The following F10 variants were observed in gnomAD, a reference collection of about 807,000 sequenced individuals.
F10 encodes coagulation factor X, also known as Stuart-Prower factor.
In F10, 29 loss-of-function variants were observed where a neutral mutation model predicts 37.1. The observed-to-expected ratio is 0.78, with a 90% CI of 0.58 to 1.07. The LOEUF (loss-of-function observed/expected upper bound fraction) is 1.07. Among genes scored for constraint, F10 ranks in the 50% least tolerant of loss-of-function variants. The pLI is 0.00. For synonymous variants in F10, 262 were observed against 268.6 expected, an observed-to-expected ratio of 0.98 and a Z score of 0.24; for missense variants, 539 against 667.9, an observed-to-expected ratio of 0.81 and a Z score of 2.13.
chr13:113,130,311 C>G (rs2036420382), intron 2 of F10: 4 of 155,202 alleles, frequency 2.6e-5, no homozygotes, highest in Admixed American at 1.3e-4. Flanking sequence ...CGCAGCAGCC[C>G]CGCGCGGAAG....
chr13:113,140,360 C>A lies in F10; in HGVS notation c.371-559C>A, dbSNP rs187248578. Among the ~76,000 whole-genome samples, 474 of 152,198 alleles carry A rather than the reference C, an allele frequency of 3.1e-3. 5 individuals carry two copies. Among genetic ancestry groups the A allele is most frequent in the Non-Finnish European group, 5.4e-3 (370 of 68,018 alleles). On this transcript the variant is annotated intron_variant, in intron 4 of 7. Transcript: ENST00000375559. ...CCTCCCAAAGTGCTGGGATTACAGG[C>A]GTGAGGCACAGCGCCGGCCTAATTG...
In F10 at chr13:113,143,727, GCCC is replaced by G; in HGVS notation, c.503-122_503-120del. On this transcript the variant is annotated intron_variant, in intron 5 of 7. Coordinates refer to ENST00000375559, the MANE Select transcript of F10 (RefSeq NM_000504.4). The surrounding 1 kb of genome is among the most constrained non-coding windows in gnomAD (Gnocchi z 6.8). ...TGGGGCCTCGCCCTGCAAGCCCGCT[GCCC>G]CTCCGGGTGCCCCTGCGCTCTGCCT... 8.5e-5 allele frequency: 119 copies of G among 1,402,188 alleles called. No homozygotes were observed. The highest frequency in any genetic ancestry group is 6.6e-4 in the Admixed American group (32 of 48,560). 86.9% of individuals were successfully genotyped at this position (1,402,188 alleles called of 1,614,324 possible).
chr13:113,138,645 A>G (rs914691060), intron 3 of F10, among the ~76,000 whole-genome samples, 164 bp downstream of exon 3: 1 of 152,250 alleles, frequency 6.6e-6, no homozygotes, highest in Non-Finnish European at 1.5e-5. Context: ...AAGAGTTTTT[A>G]GAGTAATTTT....
At chr13:113,130,050 G>A in intron 2 of F10, 1 of 312,386 alleles carries the variant, frequency 3.2e-6, no homozygotes, top group Non-Finnish European at 6.2e-6. Flanking sequence ...GAGCGCCAGC[G>A]CGCAGGCGCA....
chr13:113,127,783 G>C (rs2036384338), intron 1 of F10, among the ~76,000 whole-genome samples: 1 of 152,204 alleles, frequency 6.6e-6, no homozygotes, highest in African/African-American at 2.4e-5. Context: ...TACTATTATA[G>C]TTTGTAATTG....
At position 113,125,670 on chromosome 13, in the gene F10, G is replaced by A. The variant is rs552997463; in HGVS notation, c.70+2745G>A. On this transcript the variant is annotated intron_variant, in intron 1 of 7. Coordinates refer to ENST00000375559, the MANE Select transcript of F10 (RefSeq NM_000504.4). ...CCGGCCTGCTCAGTCTGACTGAAGCGTTGATGCGACTCAGCCATAACAGAT... is the reference window on the plus strand; with the variant it reads ...CCGGCCTGCTCAGTCTGACTGAAGCATTGATGCGACTCAGCCATAACAGAT... Among the ~76,000 whole-genome samples, 11 of 152,362 alleles carry A rather than the reference G, an allele frequency of 7.2e-5. No individual in the cohort carries two copies. In the South Asian group the frequency reaches 1.7e-3, roughly 23 times the overall value.
intron 2 of F10, among the ~76,000 whole-genome samples, chr13:113,132,730 A>G (rs1310984254): frequency 1.3e-5 from 2 of 152,266 alleles, no homozygotes; most frequent in Non-Finnish European, 2.9e-5. Flanking sequence ...TTTTTCCTCC[A>G]GTCTTCCAGA....
At chr13:113,137,726 G>A (rs1242584763) in intron 2 of F10, among the ~76,000 whole-genome samples, 3 of 152,120 alleles carry the variant, frequency 2.0e-5, no homozygotes, top group East Asian at 1.9e-4. Context: ...CTTGGGCTGC[G>A]GACGCGTCGC....
At chr13:113,132,244 TA>T (rs1182639362) in intron 2 of F10, among the ~76,000 whole-genome samples, 3 of 152,234 alleles carry the variant, frequency 2.0e-5, no homozygotes, top group Non-Finnish European at 4.4e-5. Context: ...TATATACATA[TA>T]TTTTTTTCCA....
At chr13:113,142,368 C>T (rs958490267) in intron 5 of F10, among the ~76,000 whole-genome samples, 22 of 142,376 alleles carry the variant, frequency 1.5e-4, no homozygotes, top group Non-Finnish European at 2.6e-4. Context: ...AGTGAAACCC[C>T]GTCTCTAGTA....
Position 113,129,488 on chromosome 13 carries a change from C to T in F10, c.107C>T (p.Ala36Val), listed in dbSNP as rs2036405879. 2 of 1,613,940 alleles carry T rather than the reference C, an allele frequency of 1.2e-6. No homozygotes were observed. Among genetic ancestry groups the T allele is most frequent in the Non-Finnish European group, 1.7e-6 (2 of 1,179,986 alleles). ...IRREQANNILARVTRANSFLE... is the reference protein window; with the variant it reads ...IRREQANNILVRVTRANSFLE... ...AGGGAGCAGGCCAACAACATCCTGGCGAGGGTCACGAGGGCCAATTCCTTT... is the reference window on the plus strand; with the variant it reads ...AGGGAGCAGGCCAACAACATCCTGGTGAGGGTCACGAGGGCCAATTCCTTT... The change falls in exon 2 of 8, where the codon GCG becomes GTG. Residue 36 changes from alanine to valine, a missense_variant. Around this residue, in one of 2 missense-constraint regions of F10, gnomAD observed 130 missense variants for 120.0 expected, o/e 1.08. Coordinates refer to ENST00000375559, the MANE Select transcript of F10 (RefSeq NM_000504.4).
In F10 at chr13:113,146,393, T is replaced by C. The variant is rs933273156; in HGVS notation, c.748-986T>C. ...GGGGCTGAGGAGCTGGACTTGGAGC[T>C]GCAGGCGGGGTTTTGGAGGGGTTCC... On this transcript the variant is annotated intron_variant, in intron 6 of 7. Coordinates refer to ENST00000375559, the MANE Select transcript of F10 (RefSeq NM_000504.4). This position sits in a 1 kb window ranked among gnomAD's most constrained non-coding sequence, Gnocchi z 4.5. 6.6e-6 allele frequency among the ~76,000 whole-genome samples: 1 copy of C among 151,964 alleles called. No individual in the cohort carries two copies. The highest frequency in any genetic ancestry group is 2.1e-4 in the South Asian group (1 of 4,806).
chr13:113,148,345 A>AAATAT (rs1300922846), intron 7 of F10, among the ~76,000 whole-genome samples: 23 of 95,416 alleles, frequency 2.4e-4, no homozygotes, highest in African/African-American at 5.1e-4. Context: ...AAAAAAAAAA[A>AAATAT]ATATATATAT....
At chr13:113,124,970 G>A (rs999593593) in intron 1 of F10, among the ~76,000 whole-genome samples, 3 of 152,192 alleles carry the variant, frequency 2.0e-5, no homozygotes, top group Non-Finnish European at 2.9e-5. Flanking sequence ...TCATCGCATG[G>A]GGTTCTCACC....
chr13:113,149,219 G>C lies in F10; in HGVS notation c.1169G>C (p.Cys390Ser). ...LEVPYVDRNS[C>S]KLSSSFIITQ... ...GTGCCCTACGTGGACCGCAACAGCT[G>C]CAAGCTGTCCAGCAGCTTCATCATC... is the stretch of plus-strand genomic sequence containing the variant. The change falls in exon 8 of 8, where the codon TGC (cysteine) becomes TCC (serine). Residue 390 changes from cysteine (C) to serine (S), a missense_variant. Around this residue, in one of 2 missense-constraint regions of F10, gnomAD observed 409 missense variants for 547.9 expected, o/e 0.75. Transcript: ENST00000375559. The surrounding 1 kb of genome is among the most constrained non-coding windows in gnomAD (Gnocchi z 7.5). 1 of 1,613,130 alleles carries C rather than the reference G, an allele frequency of 6.2e-7. No homozygotes were observed. Among genetic ancestry groups the C allele is most frequent in the South Asian group, 1.1e-5 (1 of 91,078 alleles).
intron 1 of F10, 32 bp downstream of exon 1, chr13:113,122,957 C>T (rs778851791): frequency 6.2e-6 from 10 of 1,605,122 alleles, no homozygotes; most frequent in Non-Finnish European, 7.6e-6. Flanking sequence ...GACCCAAAAG[C>T]AGCGCCAGGG....
chr13:113,139,294 A>G lies in F10; in HGVS notation c.257-63A>G, dbSNP rs1206214375. On this transcript the variant is annotated intron_variant, in intron 3 of 7. Transcript: ENST00000375559. The surrounding 1 kb of genome is among the most constrained non-coding windows in gnomAD (Gnocchi z 5.2). ...CGGCAGGGCCAAGGTTAGCACAGCA[A>G]AACTGTTTCCATGATGCCGGAAACA... is the stretch of plus-strand genomic sequence containing the variant. 7.0e-7 allele frequency: 1 copy of G among 1,423,408 alleles called. No individual in the cohort carries two copies. The highest frequency in any genetic ancestry group is 9.9e-7 in the Non-Finnish European group (1 of 1,012,044). 88.2% of individuals were successfully genotyped at this position (1,423,408 alleles called of 1,614,324 possible).
rs1204573026 is a variant in F10, at chr13:113,149,351, C to A, written c.1301C>A (p.Thr434Lys). The change falls in exon 8 of 8, where the codon ACA (threonine) becomes AAA (lysine). Residue 434 changes from threonine to lysine, a missense_variant. Coordinates refer to ENST00000375559, the MANE Select transcript of F10 (RefSeq NM_000504.4). The surrounding 1 kb of genome is among the most constrained non-coding windows in gnomAD (Gnocchi z 7.5). ...VTRFKDTYFV[T>K]GIVSWGEGCA... Reference sequence around the variant, plus strand: ...CGCTTCAAGGACACCTACTTCGTGACAGGCATCGTCAGCTGGGGAGAGGGC... The same window carrying A: ...CGCTTCAAGGACACCTACTTCGTGAAAGGCATCGTCAGCTGGGGAGAGGGC... 6.2e-7 allele frequency: 1 copy of A among 1,613,260 alleles called. No individual in the cohort carries two copies. Among genetic ancestry groups the A allele is most frequent in the Non-Finnish European group, 8.5e-7 (1 of 1,180,012 alleles).
intron 2 of F10, among the ~76,000 whole-genome samples, chr13:113,138,086 A>G (rs1189655149): frequency 6.6e-6 from 1 of 152,248 alleles, no homozygotes; most frequent in African/African-American, 2.4e-5. Flanking sequence ...GACTATTGAC[A>G]AGCACGTGAC....
Sources: allele counts gnomAD v4.1 joint callset (sites outside exome capture counted in the v4.1 genomes callset), GRCh38; gene constraint gnomAD v4.1.1; regional missense constraint gnomAD v4.1.1; non-coding constraint Gnocchi (gnomAD v3.1); transcripts MANE v1.5; gene names NCBI Gene and HGNC (gene_info 2026-07-23, HGNC 2026-07-21).